Variants in MAML1 observed in about 807,000 individuals in gnomAD.
The protein encoded by MAML1 is mastermind like transcriptional coactivator 1.
A neutral mutation model predicts 77.1 loss-of-function variants in MAML1; 14 were observed. That is an observed-to-expected ratio of 0.18 (90% CI 0.12 to 0.28). The LOEUF (loss-of-function observed/expected upper bound fraction) is 0.28, where lower values mean the gene tolerates loss of function less well. Ranked by LOEUF, MAML1 falls within the 10% of genes least tolerant of loss-of-function variation. The pLI, the probability that MAML1 is intolerant of heterozygous loss-of-function variation, is 1.00. For synonymous variants in MAML1, 516 were observed against 551.9 expected (o/e 0.93, Z 0.91); for missense variants, 1,217 against 1,327.8 (o/e 0.92, Z 1.30).
In MAML1 at chr5:179,766,442, G is replaced by A. The variant is rs779486348; in HGVS notation, c.1432G>A (p.Gly478Arg). 13 of 1,612,538 alleles carry A rather than the reference G, an allele frequency of 8.1e-6. No individual in the cohort carries two copies. Among genetic ancestry groups the A allele is most frequent in the African/African-American group, 4.0e-5 (3 of 74,882 alleles). The change falls in exon 2 of 5, where the codon GGA becomes AGA. Residue 478 changes from glycine to arginine, a missense_variant. Physicochemically the swap from Gly to Arg is moderately radical, Grantham distance 125. This residue lies in a region of MAML1 where 884 missense variants were observed against 949.3 expected (regional missense o/e 0.93). Coordinates refer to ENST00000292599, the MANE Select transcript of MAML1 (RefSeq NM_014757.5). The surrounding 1 kb of genome is among the most constrained non-coding windows in gnomAD (Gnocchi z 4.0). ...PSVNKSSPRP[G>R]GPYLQPSHVN... Reference sequence around the variant, plus strand: ...TGTGAATAAGAGTTCCCCTCGGCCCGGAGGCCCCTACCTCCAGCCCAGCCA... The same window carrying A: ...TGTGAATAAGAGTTCCCCTCGGCCCAGAGGCCCCTACCTCCAGCCCAGCCA...
At chr5:179,768,324 G>A (rs560369929) in intron 2 of MAML1, among the ~76,000 whole-genome samples, 70 of 152,304 alleles carry the variant, frequency 4.6e-4, no homozygotes, top group Non-Finnish European at 5.9e-5. Context: ...AGGTGTGGTG[G>A]CACATGCCTC....
chr5:179,759,385 G>C (rs1253995331), intron 1 of MAML1, among the ~76,000 whole-genome samples: 1 of 152,202 alleles, frequency 6.6e-6, no homozygotes, highest in Non-Finnish European at 1.5e-5. Context: ...GGTTGAGTGA[G>C]ATCCTGAATT....
rs536233657 is a variant in MAML1, at chr5:179,740,719, G to T, written c.315+7292G>T. ...GTGGTAGCAGTGGAGATGGAGAAGAGGAGATGGGTTTTGGACAGTTCCTGA... is the reference window on the plus strand; with the variant it reads ...GTGGTAGCAGTGGAGATGGAGAAGATGAGATGGGTTTTGGACAGTTCCTGA... On this transcript the variant is annotated intron_variant, in intron 1 of 4. Transcript: ENST00000292599. 3.3e-5 allele frequency among the ~76,000 whole-genome samples: 5 copies of T among 152,148 alleles called. No individual in the cohort carries two copies. The East Asian group carries it at 9.6e-4, about 29-fold the overall frequency.
At chr5:179,749,851 G>C (rs566947666) in intron 1 of MAML1, among the ~76,000 whole-genome samples, 2 of 152,266 alleles carry the variant, frequency 1.3e-5, no homozygotes, top group African/African-American at 4.8e-5. Flanking sequence ...GTACAGGGCA[G>C]CCCCCTTGCT....
At chr5:179,748,720 G>A (rs1779429143) in intron 1 of MAML1, among the ~76,000 whole-genome samples, 1 of 152,190 alleles carries the variant, frequency 6.6e-6, no homozygotes, top group Non-Finnish European at 1.5e-5. Context: ...CACCAGGCAT[G>A]GAATTTCTGA....
Position 179,774,391 on chromosome 5 carries a change from C to T in MAML1, c.2565C>T (p.Ser855=). 1 of 1,613,198 alleles carries T rather than the reference C, an allele frequency of 6.2e-7. No homozygotes were observed. Among genetic ancestry groups the T allele is most frequent in the Non-Finnish European group, 8.5e-7 (1 of 1,180,042 alleles). The change falls in exon 5 of 5, where the codon AGC becomes AGT. Residue 855 remains serine (S), a synonymous_variant. Coordinates refer to ENST00000292599, the MANE Select transcript of MAML1 (RefSeq NM_014757.5). ...TCAGTGGCCAGACCCCAGGGAACAG[C>T]AACGTGAGTCCCTTCACTGCAGCCT... ...PNLSGQTPGN[S]NVSPFTAASS...
intron 1 of MAML1, among the ~76,000 whole-genome samples, chr5:179,753,230 CGCGCGCGCGT>C (rs1300609073): frequency 1.4e-5 from 2 of 147,466 alleles, no homozygotes; most frequent in Non-Finnish European, 3.0e-5. Flanking sequence ...TGTGCGCGCG[CGCGCGCGCGT>C]GCTGGGGTGA....
chr5:179,754,422 C>T (rs1779571319), intron 1 of MAML1, among the ~76,000 whole-genome samples: 1 of 152,054 alleles, frequency 6.6e-6, no homozygotes, highest in South Asian at 2.1e-4. Flanking sequence ...TAATGAGACC[C>T]CATTTATTTG....
intron 1 of MAML1, among the ~76,000 whole-genome samples, chr5:179,745,248 A>G (rs1400603459): frequency 3.3e-5 from 5 of 152,104 alleles, no homozygotes; most frequent in Non-Finnish European, 7.4e-5. Context: ...AAAAAGTACA[A>G]GTTTATTAGA....
At chr5:179,754,571 T>C (rs925809815) in intron 1 of MAML1, among the ~76,000 whole-genome samples, 11 of 151,980 alleles carry the variant, frequency 7.2e-5, no homozygotes, top group South Asian at 6.3e-4. Flanking sequence ...GCCTGAGTGA[T>C]AGAGCAAGAC....
chr5:179,758,945 C>T (rs1030576459), intron 1 of MAML1, among the ~76,000 whole-genome samples: 9 of 151,932 alleles, frequency 5.9e-5, no homozygotes, highest in African/African-American at 2.2e-4. Flanking sequence ...TTGCAGTGAG[C>T]TGAGATCGTG....
At chr5:179,754,883 A>G (rs1779580870) in intron 1 of MAML1, among the ~76,000 whole-genome samples, 1 of 152,210 alleles carries the variant, frequency 6.6e-6, no homozygotes, top group Non-Finnish European at 1.5e-5. Context: ...GACGAATTTG[A>G]AGGACAGAAA....
Position 179,775,234 on chromosome 5 carries a change from ATCC to A in MAML1, c.*358_*360del. The A allele has an allele frequency of 1.9e-6, 2 of 1,028,432 alleles. No homozygotes were observed. The highest frequency in any genetic ancestry group is 2.3e-6 in the Non-Finnish European group (2 of 858,230). 63.7% of individuals were successfully genotyped at this position (1,028,432 alleles called of 1,614,324 possible). A position where few individuals can be genotyped will look rare whatever the true frequency, so the allele number is the denominator to read the frequency against. ...AAATCTGTGCCATCATGGTGATTTT[ATCC>A]AAGACTGCTCCACTTACCCCAGTGC... On this transcript the variant is annotated 3_prime_UTR_variant, in exon 5 of 5. Transcript: ENST00000292599.
At chr5:179,739,372 C>G (rs564684600) in intron 1 of MAML1, among the ~76,000 whole-genome samples, 1 of 90,924 alleles carries the variant, frequency 1.1e-5, no homozygotes, top group Non-Finnish European at 3.0e-5. Context: ...TAGAATAGAA[C>G]GGAACGGAAC....
At chr5:179,763,455 AT>A (rs11419516) in intron 1 of MAML1, among the ~76,000 whole-genome samples, 104,457 of 147,374 alleles carry the variant, frequency 0.71, 37,047 homozygotes, top group East Asian at 0.83. Context: ...CATTCCTGCG[AT>A]TTTTTTTTTT....
At position 179,760,741 on chromosome 5, in the gene MAML1, C is replaced by G. The variant is rs890342269; in HGVS notation, c.316-4585C>G. On this transcript the variant is annotated intron_variant, in intron 1 of 4. Coordinates refer to ENST00000292599, the MANE Select transcript of MAML1 (RefSeq NM_014757.5). Reference sequence around the variant, plus strand: ...ACTTCTCAAAGGATACTAGAAACAACCAACCATAAAAGCAGAAGAGGATAC... The same window carrying G: ...ACTTCTCAAAGGATACTAGAAACAAGCAACCATAAAAGCAGAAGAGGATAC... Among the ~76,000 whole-genome samples, 6 of 152,004 alleles carry G rather than the reference C, an allele frequency of 3.9e-5. No individual in the cohort carries two copies. The South Asian group carries it at 1.2e-3, about 32-fold the overall frequency.
At chr5:179,738,873 C>T (rs1779224225) in intron 1 of MAML1, among the ~76,000 whole-genome samples, 1 of 151,970 alleles carries the variant, frequency 6.6e-6, no homozygotes, top group Non-Finnish European at 1.5e-5. Flanking sequence ...CTCAACCTCC[C>T]AGGCTCAAGT....
chr5:179,766,283 G>A lies in MAML1; in HGVS notation c.1273G>A (p.Gly425Ser), dbSNP rs767900323. Residue 425 changes from glycine (G) to serine (S), a missense_variant, in exon 2 of 5, where the codon GGC becomes AGC. This residue lies in a region of MAML1 where 884 missense variants were observed against 949.3 expected (regional missense o/e 0.93). Coordinates refer to ENST00000292599, the MANE Select transcript of MAML1 (RefSeq NM_014757.5). The surrounding 1 kb of genome is among the most constrained non-coding windows in gnomAD (Gnocchi z 4.0). ...GCAGGCCACCCCGGCACCAGCCCCGGGCCAGATGTCCACATGGCAGCAGAC... is the reference window on the plus strand; with the variant it reads ...GCAGGCCACCCCGGCACCAGCCCCGAGCCAGATGTCCACATGGCAGCAGAC... ...PQQATPAPAP[G>S]QMSTWQQTGP... 8.7e-6 allele frequency: 14 copies of A among 1,613,838 alleles called. No homozygotes were observed. In the Middle Eastern group the frequency reaches 2.0e-3, roughly 228 times the overall value.
rs1309498780 is a variant in MAML1 at position 179,766,345 on chromosome 5, C to A, written c.1335C>A (p.Pro445=). Residue 445 remains proline, a synonymous_variant, in exon 2 of 5, where the codon CCC becomes CCA. Coordinates refer to ENST00000292599, the MANE Select transcript of MAML1 (RefSeq NM_014757.5). This position sits in a 1 kb window ranked among gnomAD's most constrained non-coding sequence, Gnocchi z 4.0. ...ACAGTTCCTTAGATGTCCCTTACCC[C>A]ATGGAGAAGCCTGCCAGCCCTTCCA... ...PSHSSLDVPY[P]MEKPASPSSY... 1 of 1,605,848 alleles carries A rather than the reference C, an allele frequency of 6.2e-7. No homozygotes were observed. Among genetic ancestry groups the A allele is most frequent in the South Asian group, 1.1e-5 (1 of 90,090 alleles).
Sources: gnomAD v4.1 joint callset for allele counts (sites outside exome capture counted in the v4.1 genomes callset) on GRCh38, gnomAD v4.1.1 for gene constraint, gnomAD v4.1.1 regional missense constraint, Gnocchi (gnomAD v3.1) non-coding constraint, MANE v1.5 for transcripts, NCBI Gene and HGNC (gene_info 2026-07-23, HGNC 2026-07-21) for gene names.